HTT: variants seen among roughly 807,000 people sequenced by gnomAD.
The protein encoded by HTT is huntingtin.
A neutral mutation model predicts 362.3 loss-of-function variants in HTT; 104 were observed. That is an observed-to-expected ratio of 0.29 (90% confidence interval 0.24 to 0.34). HTT has a LOEUF of 0.34. HTT is among the 10% of genes least tolerant of loss of function. The probability of loss-of-function intolerance (pLI) is 1.00; values close to 1 mark genes in which losing one functional copy is unlikely to be tolerated. For synonymous variants in HTT, 1,577 were observed against 1,548.7 expected (o/e 1.02, Z -0.43); for missense variants, 3,301 against 3,928.6 (o/e 0.84, Z 4.27).
chr4:3,227,008 T>C (rs973540145), intron 57 of HTT, among the ~76,000 whole-genome samples: 1 of 152,240 alleles, frequency 6.6e-6, no homozygotes, highest in African/African-American at 2.4e-5. Context: ...TGAAAGTGTT[T>C]CTGAAGGGCA....
At position 3,074,920 on chromosome 4, in the gene HTT, AGCAGCAG is replaced by A. The variant is rs1560534982; in HGVS notation, c.96_102del (p.Gln32HisfsTer67). 322 of 1,481,104 alleles carry A rather than the reference AGCAGCAG, an allele frequency of 2.2e-4. No individual in the cohort carries two copies. The highest frequency in any genetic ancestry group is 1.3e-3 in the African/African-American group (88 of 66,728). The allele number at this position is 1,481,104 out of a possible 1,614,324, so 91.7% of individuals were successfully genotyped here. On this transcript the variant is annotated frameshift_variant, in exon 1 of 67. Coordinates refer to ENST00000355072, the MANE Select transcript of HTT (RefSeq NM_001388492.1). LOFTEE classifies it high-confidence loss of function. Reference sequence around the variant, plus strand: ...CAGCAGCAGCAGCAGCAGCAGCAGCAGCAGCAGCAGCAGCAACAGCCGCCACCGCCGC... The same window carrying A: ...CAGCAGCAGCAGCAGCAGCAGCAGCACAGCAGCAACAGCCGCCACCGCCGC...
chr4:3,132,156 C>T (rs572004501), intron 16 of HTT, among the ~76,000 whole-genome samples: 2 of 152,322 alleles, frequency 1.3e-5, no homozygotes, highest in African/African-American at 2.4e-5. Context: ...AAGTCTCCAT[C>T]GCGCCCATGC....
intron 49 of HTT, chr4:3,213,051 T>A (rs748826010): frequency 7.5e-6 from 2 of 266,004 alleles, no homozygotes; most frequent in Non-Finnish European, 1.5e-5. Context: ...AATACTTACT[T>A]GGTTTGTGTT....
Position 3,189,034 on chromosome 4 carries a change from C to G in HTT, c.5309C>G (p.Thr1770Ser). The G allele has an allele frequency of 6.2e-7, 1 of 1,613,962 alleles. No homozygotes were observed. Among genetic ancestry groups the G allele is most frequent in the Non-Finnish European group, 8.5e-7 (1 of 1,179,836 alleles). ...GTGGAAATGAGTGAGCAGCAACATA[C>G]TTTCTATTGCCAGGAACTAGGCACA... ...LKVEMSEQQH[T>S]FYCQELGTLL... The change falls in exon 40 of 67, where the codon ACT (threonine) becomes AGT (serine). Residue 1770 changes from threonine to serine, a missense_variant. Physicochemically the swap from Thr to Ser is moderately conservative, Grantham distance 58. Transcript: ENST00000355072.
At position 3,187,672 on chromosome 4, in the gene HTT, C is replaced by T. The variant is rs375932093; in HGVS notation, c.5011C>T (p.Leu1671=). ...NTMASVSTVQ[L]WISGILAILR... ...TTAGGCGTCCGTGAGCACTGTTCAA[C>T]TGTGGATATCGGGAATTCTGGCCAT... The change falls in exon 39 of 67, where the codon CTG becomes TTG. Residue 1671 remains leucine, a synonymous_variant. Coordinates refer to ENST00000355072, the MANE Select transcript of HTT (RefSeq NM_001388492.1). The T allele has an allele frequency of 6.8e-6, 11 of 1,613,876 alleles. No homozygotes were observed. The African/African-American group carries it at 1.5e-4, about 22-fold the overall frequency.
chr4:3,081,865 AT>A (rs1175695721), intron 1 of HTT, among the ~76,000 whole-genome samples: 4 of 150,992 alleles, frequency 2.6e-5, no homozygotes, highest in African/African-American at 4.9e-5. Flanking sequence ...GCTGGAAAGC[AT>A]TTCTTTTTTG....
At chr4:3,150,696 A>G (rs1716836376) in intron 26 of HTT, among the ~76,000 whole-genome samples, 1 of 152,244 alleles carries the variant, frequency 6.6e-6, no homozygotes, top group Admixed American at 6.5e-5. Context: ...ATACATGTAC[A>G]TGCACATATA....
chr4:3,076,296 C>T (rs1712545960), intron 1 of HTT, among the ~76,000 whole-genome samples: 1 of 152,216 alleles, frequency 6.6e-6, no homozygotes, highest in African/African-American at 2.4e-5. Context: ...TCAGGCCTTT[C>T]TCTTACCTCT....
intron 52 of HTT, 46 bp from the exon 53 acceptor site, chr4:3,220,136 G>A: frequency 1.2e-6 from 2 of 1,611,990 alleles, no homozygotes; most frequent in Non-Finnish European, 1.7e-6. Context: ...CAGTATGTCT[G>A]TCCTGACTCA....
chr4:3,217,701 T>C, intron 51 of HTT, 64 bp from the exon 52 acceptor site: 2 of 1,403,756 alleles, frequency 1.4e-6, no homozygotes, highest in Non-Finnish European at 2.0e-6. Flanking sequence ...TAGGTCATGC[T>C]TTCTACACTG....
At chr4:3,153,437 T>C (rs1011462735) in intron 26 of HTT, among the ~76,000 whole-genome samples, 149 of 152,324 alleles carry the variant, frequency 9.8e-4, no homozygotes, top group Middle Eastern at 6.8e-3. Context: ...CTCTGCTCCA[T>C]GATGGCTGCC....
At chr4:3,221,484 AT>A (rs1315658439) in intron 53 of HTT, among the ~76,000 whole-genome samples, 1 of 151,592 alleles carries the variant, frequency 6.6e-6, no homozygotes, top group African/African-American at 2.4e-5. Context: ...TTCTTTGTTC[AT>A]TTTTTTCCCT....
At position 3,147,314 on chromosome 4, in the gene HTT, G is replaced by T. The variant is rs111603953; in HGVS notation, c.3295+366G>T. ...AGTTTTAGATTAGAGGGGGATACAC[G>T]TAAACAAAAGTGCAGTGGTCACACA... is the stretch of plus-strand genomic sequence containing the variant. On this transcript the variant is annotated intron_variant, in intron 25 of 66. Transcript: ENST00000355072. Among the ~76,000 whole-genome samples, 88 of 152,192 alleles carry T rather than the reference G, an allele frequency of 5.8e-4. 2 individuals carry two copies. The highest frequency in any genetic ancestry group is 2.0e-3 in the African/African-American group (85 of 41,468).
rs564467750 is a variant in HTT, at chr4:3,131,835, C to A, written c.2236+60C>A. 62 of 1,509,656 alleles carry A rather than the reference C, an allele frequency of 4.1e-5. 1 individual carries two copies. The Admixed American group carries it at 8.4e-4, about 20-fold the overall frequency. The allele number at this position is 1,509,656 out of a possible 1,614,324, so 93.5% of individuals were successfully genotyped here. ...TTAATCATTATTGTAAAAACTATTT[C>A]AGTATTGACTATTTTAGTTTTAGAG... is the stretch of plus-strand genomic sequence containing the variant. On this transcript the variant is annotated intron_variant, in intron 16 of 66. Transcript: ENST00000355072.
chr4:3,146,908 C>T lies in HTT; in HGVS notation c.3255C>T (p.Ala1085=), dbSNP rs1299439108. ...SSAWFPLDLS[A]HQDALILAGN... ...CTTGGTTCCCATTGGATCTCTCAGC[C>T]CATCAAGATGCTTTGATTTTGGCCG... Residue 1085 remains alanine (A), a synonymous_variant, in exon 25 of 67, where the codon GCC becomes GCT. Coordinates refer to ENST00000355072, the MANE Select transcript of HTT (RefSeq NM_001388492.1). 6.2e-7 allele frequency: 1 copy of T among 1,614,034 alleles called. No individual in the cohort carries two copies. The highest frequency in any genetic ancestry group is 8.5e-7 in the Non-Finnish European group (1 of 1,180,028).
chr4:3,103,683 T>C (rs1446596442), intron 3 of HTT, 141 bp from the exon 4 acceptor site: 1 of 615,212 alleles, frequency 1.6e-6, no homozygotes, highest in African/African-American at 1.8e-5. Flanking sequence ...TTTGTTTCTT[T>C]CATTCTTAAT....
chr4:3,238,774 GT>G, intron 65 of HTT, 43 bp from the exon 66 acceptor site: 1 of 1,090,332 alleles, frequency 9.2e-7, no homozygotes, highest in Admixed American at 3.1e-5. Flanking sequence ...GGTGCTTCCC[GT>G]CCCCCCAGCC....
intron 29 of HTT, among the ~76,000 whole-genome samples, chr4:3,161,163 C>G (rs893788072): frequency 5.3e-5 from 8 of 152,146 alleles, no homozygotes; most frequent in African/African-American, 1.9e-4. Flanking sequence ...TGAGTGAGAA[C>G]ATGCGGTGTT....
At position 3,214,152 on chromosome 4, in the gene HTT, G is replaced by A. The variant is rs371221527; in HGVS notation, c.6952+17G>A. 9.6e-6 allele frequency: 14 copies of A among 1,463,884 alleles called. No homozygotes were observed. The Admixed American group carries it at 2.0e-4, about 21-fold the overall frequency. The allele number at this position is 1,463,884 out of a possible 1,614,324, so 90.7% of individuals were successfully genotyped here. ...TGGAGGCCGGTGAGTCCCCGTCCATGAACGGTGGGTTCCTATCATAGTTCC... is the reference window on the plus strand; with the variant it reads ...TGGAGGCCGGTGAGTCCCCGTCCATAAACGGTGGGTTCCTATCATAGTTCC... On this transcript the variant is annotated intron_variant, in intron 50 of 66. Coordinates refer to ENST00000355072, the MANE Select transcript of HTT (RefSeq NM_001388492.1).
Sources: gnomAD v4.1 joint callset for allele counts (sites outside exome capture counted in the v4.1 genomes callset) on GRCh38, gnomAD v4.1.1 for gene constraint, MANE v1.5 for transcripts, NCBI Gene and HGNC (gene_info 2026-07-23, HGNC 2026-07-21) for gene names.